DNAJC17: variants seen among roughly 807,000 people sequenced by gnomAD.
DNAJC17 encodes the protein DnaJ heat shock protein family (Hsp40) member C17.
Under a neutral mutation model 48.1 loss-of-function variants are expected in DNAJC17, and 35 were observed. The ratio of observed to expected loss-of-function variants is 0.73; its 90% CI spans 0.56 to 0.96. The LOEUF (loss-of-function observed/expected upper bound fraction) is 0.96. Among genes scored for constraint, DNAJC17 ranks in the 50% least tolerant of loss-of-function variants. The probability of loss-of-function intolerance (pLI) is 0.00; values close to 1 mark genes in which losing one functional copy is unlikely to be tolerated. For synonymous variants in DNAJC17, 117 were observed against 142.7 expected, an observed-to-expected ratio of 0.82 and a Z score of 1.28; for missense variants, 355 against 377.1, an observed-to-expected ratio of 0.94 and a Z score of 0.48.
chr15:40,797,212 A>G (rs1368277862), intron 1 of DNAJC17, among the ~76,000 whole-genome samples: 1 of 152,172 alleles, frequency 6.6e-6, no homozygotes, highest in East Asian at 1.9e-4. Flanking sequence ...TCTACAAAAA[A>G]TTTAAAAATC....
At position 40,775,609 on chromosome 15, in the gene DNAJC17, G is replaced by A; in HGVS notation, c.479-13C>T. 6.2e-7 allele frequency: 1 copy of A among 1,613,304 alleles called. No homozygotes were observed. Among genetic ancestry groups the A allele is most frequent in the Non-Finnish European group, 8.5e-7 (1 of 1,179,338 alleles). Reference sequence around the variant, plus strand: ...TTTTCTGCCTTTCCTAGAAATATTGGGAAAAGAAGAAAAGTAGAATATGAG... The same window carrying A: ...TTTTCTGCCTTTCCTAGAAATATTGAGAAAAGAAGAAAAGTAGAATATGAG... On this transcript the variant is annotated splice_polypyrimidine_tract_variant and intron_variant, in intron 6 of 10. Transcript: ENST00000220496.
At chr15:40,792,993 C>T (rs146281295) in intron 1 of DNAJC17, among the ~76,000 whole-genome samples, 4,822 of 150,474 alleles carry the variant, frequency 0.032, 252 homozygotes, top group African/African-American at 0.11. Context: ...TCCGGGTTCA[C>T]GCCATTCTCT....
At chr15:40,772,786 G>C (rs943483849) in intron 10 of DNAJC17, among the ~76,000 whole-genome samples, 7 of 152,200 alleles carry the variant, frequency 4.6e-5, no homozygotes, top group African/African-American at 1.7e-4. Context: ...GTGGGGACAG[G>C]TGTGGCCAGG....
Position 40,798,540 on chromosome 15 carries a change from T to C in DNAJC17, c.78+8829A>G, listed in dbSNP as rs1030606579. ...AAATACATTATTTATCACAATGTTG[T>C]AGGAAATATCAGGAGGACTGATGTG... On this transcript the variant is annotated intron_variant, in intron 1 of 10. Coordinates refer to ENST00000220496, the MANE Select transcript of DNAJC17 (RefSeq NM_018163.3). Among the ~76,000 whole-genome samples the C allele has an allele frequency of 3.3e-5, 5 of 152,074 alleles. No individual in the cohort carries two copies. The East Asian group carries it at 9.6e-4, about 29-fold the overall frequency.
intron 1 of DNAJC17, among the ~76,000 whole-genome samples, chr15:40,800,242 A>G (rs1254419702): frequency 6.6e-6 from 1 of 152,034 alleles, no homozygotes; most frequent in East Asian, 1.9e-4. Context: ...TAATTTTTGT[A>G]TTTTTAGTAG....
chr15:40,790,133 G>T (rs753227481), intron 1 of DNAJC17, among the ~76,000 whole-genome samples: 3 of 152,008 alleles, frequency 2.0e-5, no homozygotes, highest in Non-Finnish European at 2.9e-5. Context: ...CTACCTGCTG[G>T]GTTTACCCAA....
At chr15:40,794,331 T>C (rs981805598) in intron 1 of DNAJC17, among the ~76,000 whole-genome samples, 3 of 150,382 alleles carry the variant, frequency 2.0e-5, no homozygotes, top group South Asian at 2.1e-4. Flanking sequence ...GCCTGGGGGA[T>C]AGAATGAGAC....
intron 1 of DNAJC17, among the ~76,000 whole-genome samples, chr15:40,793,691 G>A (rs1889871254): frequency 6.6e-6 from 1 of 151,984 alleles, no homozygotes; most frequent in Non-Finnish European, 1.5e-5. Context: ...TACAGTGTAA[G>A]GAAGATGGAC....
intron 1 of DNAJC17, chr15:40,792,337 A>G (rs1889828681): frequency 5.9e-6 from 3 of 507,038 alleles, no homozygotes; most frequent in Admixed American, 1.3e-4. Context: ...CCTCCCTCCC[A>G]GAAAATGTCA....
At position 40,779,254 on chromosome 15, in the gene DNAJC17, T is replaced by C. The variant is rs754531539; in HGVS notation, c.264A>G (p.Lys88=). ...AKKQAAERTQ[K]LDEKRKKVKL... ...TCACTTTCTTCCTTTTCTCATCAAG[T>C]TTCTGGGTCCTCTCTGCTGCTTGCT... The change falls in exon 4 of 11, where the codon AAA becomes AAG. Residue 88 remains lysine, a synonymous_variant. Transcript: ENST00000220496. The C allele has an allele frequency of 3.9e-5, 63 of 1,613,946 alleles. No homozygotes were observed. The highest frequency in any genetic ancestry group is 5.3e-5 in the Non-Finnish European group (62 of 1,180,016).
intron 1 of DNAJC17, chr15:40,780,208 C>T (rs1889445218): frequency 3.0e-6 from 2 of 667,340 alleles, no homozygotes; most frequent in Non-Finnish European, 5.5e-6. Context: ...CTGGGCCCAC[C>T]TCCTGCTAAG....
intron 1 of DNAJC17, among the ~76,000 whole-genome samples, chr15:40,805,537 ACTCCGT>A (rs1220531556): frequency 6.6e-6 from 1 of 151,354 alleles, no homozygotes; most frequent in Non-Finnish European, 1.5e-5. Flanking sequence ...ACAGAGCGAG[ACTCCGT>A]CTCAAAAAAT....
At chr15:40,776,114 C>T in intron 6 of DNAJC17, 82 bp downstream of exon 6, 1 of 1,361,064 alleles carries the variant, frequency 7.3e-7, no homozygotes, top group African/African-American at 1.4e-5. Flanking sequence ...TCCACAGCAG[C>T]TCCACCGAAC....
chr15:40,770,703 G>C lies in DNAJC17; in HGVS notation c.793-2641C>G. On this transcript the variant is annotated intron_variant, in intron 10 of 10. Transcript: ENST00000220496. The surrounding 1 kb of genome is among the most constrained non-coding windows in gnomAD (Gnocchi z 5.0). The stretch of plus-strand genomic sequence containing the variant: ...CCGGCGCCTGCCACTGTGGGGGGAC[G>C]AGCAGCCCCGGGCCACCCTGCTGGC... The C allele has an allele frequency of 6.5e-7, 1 of 1,547,212 alleles. No homozygotes were observed.
chr15:40,788,688 T>C (rs1596089714), intron 1 of DNAJC17, among the ~76,000 whole-genome samples: 1 of 126,154 alleles, frequency 7.9e-6, no homozygotes, highest in Admixed American at 8.4e-5. Context: ...AGAGCGAGAC[T>C]CTGTCTCAAA....
chr15:40,776,301 C>T lies in DNAJC17; in HGVS notation c.382-9G>A, dbSNP rs1273631470. On this transcript the variant is annotated splice_polypyrimidine_tract_variant and intron_variant, in intron 5 of 10. Transcript: ENST00000220496. ...TCTCTCAGGCGTTCGATCTGCAGAG[C>T]AGGGGGTGGGGGTGACAATTCTGTG... 4 of 1,613,402 alleles carry T rather than the reference C, an allele frequency of 2.5e-6. No homozygotes were observed. The South Asian group carries it at 4.4e-5, about 18-fold the overall frequency.
intron 9 of DNAJC17, 24 bp downstream of exon 9, chr15:40,774,332 C>T (rs373577170): frequency 1.2e-6 from 2 of 1,613,274 alleles, no homozygotes; most frequent in Non-Finnish European, 1.7e-6. Context: ...CACGAGGGGC[C>T]CCCAAGCCTC....
chr15:40,795,883 C>A (rs1889931111), intron 1 of DNAJC17, among the ~76,000 whole-genome samples: 2 of 151,284 alleles, frequency 1.3e-5, no homozygotes, highest in African/African-American at 4.9e-5. Context: ...CAGAGTGAGA[C>A]TCTGTCTCAA....
rs1347478323 is a variant in DNAJC17 at position 40,765,922 on chromosome 15, G to C, written c.*2018C>G. 4.0e-6 allele frequency: 6 copies of C among 1,513,250 alleles called. No individual in the cohort carries two copies. The African/African-American group carries it at 6.9e-5, about 17-fold the overall frequency. 93.7% of individuals were successfully genotyped at this position (1,513,250 alleles called of 1,614,324 possible). A position where few individuals can be genotyped will look rare whatever the true frequency, so the allele number is the denominator to read the frequency against. The stretch of plus-strand genomic sequence containing the variant: ...AGAGAAGAGCCTTGGGAAACAACTT[G>C]TAAGTAGCAGCCTCCCTCAGTATCC... On this transcript the variant is annotated 3_prime_UTR_variant, in exon 11 of 11. Transcript: ENST00000220496.
Sources: gnomAD v4.1 joint callset for allele counts (sites outside exome capture counted in the v4.1 genomes callset) on GRCh38, gnomAD v4.1.1 for gene constraint, Gnocchi (gnomAD v3.1) non-coding constraint, MANE v1.5 for transcripts, NCBI Gene and HGNC (gene_info 2026-07-23, HGNC 2026-07-21) for gene names.